Variants in GOPC observed in about 807,000 individuals in gnomAD.
GOPC encodes Golgi-associated PDZ and coiled-coil motif-containing protein.
In GOPC, 32 loss-of-function variants were observed where a neutral mutation model predicts 51.2. The ratio of observed to expected loss-of-function variants is 0.63; its 90% CI spans 0.47 to 0.84. The LOEUF (loss-of-function observed/expected upper bound fraction) is 0.84. Ranked by LOEUF, GOPC falls within the 40% of genes least tolerant of loss-of-function variation. The pLI is 0.00. For synonymous variants in GOPC, 190 were observed against 205.1 expected (o/e 0.93, Z 0.63); for missense variants, 441 against 555.5 (o/e 0.79, Z 2.07).
intron 1 of GOPC, among the ~76,000 whole-genome samples, chr6:117,593,352 T>C (rs2114627474): frequency 1.3e-5 from 2 of 152,344 alleles, no homozygotes; most frequent in South Asian, 2.1e-4. Context: ...TTACTAATAT[T>C]AACTACCCCA....
intron 7 of GOPC, among the ~76,000 whole-genome samples, chr6:117,568,542 A>G (rs150421437): frequency 1.2e-4 from 19 of 152,356 alleles, no homozygotes; most frequent in Non-Finnish European, 2.6e-4. Context: ...ATGGATTGAT[A>G]AAACACTAAC....
chr6:117,581,430 C>CA (rs1399276697), intron 1 of GOPC, among the ~76,000 whole-genome samples: 2 of 147,570 alleles, frequency 1.4e-5, no homozygotes, highest in African/African-American at 2.5e-5. Context: ...TAACACATTA[C>CA]AAAAAATACC....
At chr6:117,582,829 G>A (rs73766247) in intron 1 of GOPC, among the ~76,000 whole-genome samples, 3,361 of 151,370 alleles carry the variant, frequency 0.022, 130 homozygotes, top group African/African-American at 0.078. Flanking sequence ...CTCATTCTTC[G>A]TGGGCACCAG....
intron 1 of GOPC, among the ~76,000 whole-genome samples, chr6:117,579,430 TG>T (rs898434799): frequency 1.3e-5 from 2 of 152,116 alleles, no homozygotes; most frequent in African/African-American, 4.8e-5. Context: ...TGTGCTGTGG[TG>T]GATCACTAAC....
chr6:117,593,982 G>A (rs1388905122), intron 1 of GOPC, among the ~76,000 whole-genome samples: 1 of 152,062 alleles, frequency 6.6e-6, no homozygotes, highest in East Asian at 1.9e-4. Flanking sequence ...ACAATTTTCT[G>A]CATTCATTCA....
At chr6:117,596,592 T>C (rs1780201415) in intron 1 of GOPC, among the ~76,000 whole-genome samples, 1 of 152,202 alleles carries the variant, frequency 6.6e-6, no homozygotes, top group South Asian at 2.1e-4. Flanking sequence ...GAGGATCCAG[T>C]TTCATTTTTC....
chr6:117,585,645 A>C (rs1279878557), intron 1 of GOPC, among the ~76,000 whole-genome samples: 5 of 152,172 alleles, frequency 3.3e-5, no homozygotes, highest in Non-Finnish European at 7.4e-5. Context: ...TAATAGAAAA[A>C]ATGGGGAAGA....
rs567438230 is a variant in GOPC at position 117,561,178 on chromosome 6, C to T, written c.*2076G>A. 1.8e-5 allele frequency: 4 copies of T among 223,768 alleles called. No homozygotes were observed. The highest frequency in any genetic ancestry group is 8.9e-5 in the African/African-American group (4 of 44,788). 13.9% of individuals were successfully genotyped at this position (223,768 alleles called of 1,614,324 possible). On this transcript the variant is annotated 3_prime_UTR_variant, in exon 9 of 9. Transcript: ENST00000368498. ...CCTGGAAACTTTTCATTCTATTTAT[C>T]AGTCCTTAAAAGGAATTTATATCAT...
intron 1 of GOPC, among the ~76,000 whole-genome samples, chr6:117,589,044 A>G (rs1780075436): frequency 6.6e-6 from 1 of 152,186 alleles, no homozygotes; most frequent in South Asian, 2.1e-4. Context: ...GCTGTGAGCT[A>G]AAATTAAAAA....
At position 117,562,705 on chromosome 6, in the gene GOPC, A is replaced by G. The variant is rs1017891962; in HGVS notation, c.*549T>C. On this transcript the variant is annotated 3_prime_UTR_variant, in exon 9 of 9. Transcript: ENST00000368498. ...TGCAAACTCATTACAATAAATGATC[A>G]TTAATAATTGGTTTAGATTTTAGGA... 4.8e-6 allele frequency: 1 copy of G among 207,162 alleles called. No homozygotes were observed. The highest frequency in any genetic ancestry group is 5.9e-5 in the Admixed American group (1 of 16,870). The allele number at this position is 207,162 out of a possible 1,614,324, so 12.8% of individuals were successfully genotyped here.
intron 1 of GOPC, among the ~76,000 whole-genome samples, chr6:117,582,224 TTC>T (rs377690619): frequency 1.0e-4 from 15 of 148,014 alleles, no homozygotes; most frequent in Non-Finnish European, 1.3e-4. Context: ...GGTTTGTAAG[TTC>T]TCTCTCTCTC....
chr6:117,567,056 A>T, intron 7 of GOPC, 22 bp from the exon 8 acceptor site: 1 of 1,526,188 alleles, frequency 6.6e-7, no homozygotes, highest in Non-Finnish European at 8.8e-7. Context: ...AATGAAAATG[A>T]GAAAGTCAAG....
chr6:117,592,431 C>T (rs541243822), intron 1 of GOPC, among the ~76,000 whole-genome samples: 16 of 152,218 alleles, frequency 1.1e-4, no homozygotes, highest in African/African-American at 3.9e-4. Flanking sequence ...TTTCACATTT[C>T]AGGATGCCCC....
At chr6:117,595,015 G>A (rs1169600846) in intron 1 of GOPC, among the ~76,000 whole-genome samples, 1 of 152,152 alleles carries the variant, frequency 6.6e-6, no homozygotes, top group Non-Finnish European at 1.5e-5. Context: ...GTTTACCTGA[G>A]CCAAAATGAG....
chr6:117,600,005 T>G (rs1397556361), intron 1 of GOPC, among the ~76,000 whole-genome samples: 5 of 152,226 alleles, frequency 3.3e-5, no homozygotes, highest in Non-Finnish European at 5.9e-5. Flanking sequence ...GATATGAAAT[T>G]TCTCGTGTGA....
chr6:117,594,146 C>T (rs944274167), intron 1 of GOPC, among the ~76,000 whole-genome samples: 1 of 152,204 alleles, frequency 6.6e-6, no homozygotes, highest in African/African-American at 2.4e-5. Context: ...AATAGTCCCT[C>T]TCTGTCTGTT....
At chr6:117,585,315 T>C (rs1316018298) in intron 1 of GOPC, among the ~76,000 whole-genome samples, 1 of 152,210 alleles carries the variant, frequency 6.6e-6, no homozygotes, top group Non-Finnish European at 1.5e-5. Flanking sequence ...TTTAACTGTC[T>C]TATGGATAAA....
rs1319934288 is a variant in GOPC, at chr6:117,569,836, A to G, written c.913-100T>C. ...ATTTTCTTAAAAATATATTTCATTA[A>G]ACACCTATGCTGTCTCTATAAATGC... On this transcript the variant is annotated intron_variant, in intron 6 of 8. Coordinates refer to ENST00000368498, the MANE Select transcript of GOPC (RefSeq NM_020399.4). The G allele has an allele frequency of 3.1e-6, 4 of 1,278,060 alleles. No homozygotes were observed. In the Admixed American group the frequency reaches 9.7e-5, roughly 31 times the overall value. The allele number at this position is 1,278,060 out of a possible 1,614,324, so 79.2% of individuals were successfully genotyped here. A position where few individuals can be genotyped will look rare whatever the true frequency, so the allele number is the denominator to read the frequency against.
intron 1 of GOPC, among the ~76,000 whole-genome samples, chr6:117,579,640 G>C (rs893510082): frequency 5.3e-5 from 8 of 152,016 alleles, no homozygotes; most frequent in African/African-American, 1.7e-4. Flanking sequence ...CAACTCATCA[G>C]GACCACTTAC....
Sources: allele counts gnomAD v4.1 joint callset (sites outside exome capture counted in the v4.1 genomes callset), GRCh38; gene constraint gnomAD v4.1.1; transcripts MANE v1.5; gene names NCBI Gene and HGNC (gene_info 2026-07-23, HGNC 2026-07-21).